PPP2CB: variants seen among roughly 807,000 people sequenced by gnomAD.
PPP2CB encodes the protein serine/threonine-protein phosphatase 2A catalytic subunit beta isoform.
A neutral mutation model predicts 39.1 loss-of-function variants in PPP2CB; 18 were observed. That is an observed-to-expected ratio of 0.46 (90% confidence interval 0.32 to 0.68). The LOEUF (loss-of-function observed/expected upper bound fraction) is 0.68, where lower values mean the gene tolerates loss of function less well. PPP2CB is among the 30% of genes least tolerant of loss of function. The pLI is 0.04. For synonymous variants in PPP2CB, 129 were observed against 133.8 expected (o/e 0.96, Z 0.25); for missense variants, 226 against 396.9 (o/e 0.57, Z 3.66).
rs1806587976 is a variant in PPP2CB, at chr8:30,799,675, T to A, written c.183A>T (p.Gln61His). The A allele has an allele frequency of 6.2e-7, 1 of 1,613,944 alleles. No homozygotes were observed. The highest frequency in any genetic ancestry group is 8.5e-7 in the Non-Finnish European group (1 of 1,179,922). The change falls in exon 2 of 7, where the codon CAA (glutamine) becomes CAT (histidine). Residue 61 changes from glutamine to histidine, a missense_variant. Physicochemically the swap from Gln to His is conservative, Grantham distance 24. This residue lies in a region of PPP2CB where 110 missense variants were observed against 244.1 expected (regional missense o/e 0.45). Coordinates refer to ENST00000221138, the MANE Select transcript of PPP2CB (RefSeq NM_001009552.2). ...PVTVCGDVHGQFHDLMELFRI... is the reference protein window; with the variant it reads ...PVTVCGDVHGHFHDLMELFRI... ...TAAAGAGTTCCATAAGATCATGAAA[T>A]TGACCATGCACATCTCCACAGACAG...
At chr8:30,792,342 AC>A (rs1806452457) in intron 5 of PPP2CB, among the ~76,000 whole-genome samples, 1 of 152,040 alleles carries the variant, frequency 6.6e-6, no homozygotes, top group Non-Finnish European at 1.5e-5. Flanking sequence ...GGCACGAGCC[AC>A]CACGCCAGCT....
At chr8:30,798,500 TTA>T (rs1240193414) in intron 2 of PPP2CB, among the ~76,000 whole-genome samples, 2 of 152,224 alleles carry the variant, frequency 1.3e-5, no homozygotes, top group African/African-American at 4.8e-5. Context: ...AGCATTTTTG[TTA>T]ACAGATTACA....
intron 5 of PPP2CB, among the ~76,000 whole-genome samples, chr8:30,792,502 G>A (rs1806454920): frequency 2.0e-5 from 3 of 151,706 alleles, no homozygotes; most frequent in Admixed American, 6.6e-5. Context: ...GGAGTGCAGC[G>A]GTACGATCAT....
Position 30,797,644 on chromosome 8 carries a change from G to A in PPP2CB, c.423C>T (p.Asn141=), listed in dbSNP as rs184203319. ...DECLRKYGNA[N]VWKYFTDLFD... Reference sequence around the variant, plus strand: ...AGAGATCTGTAAAATATTTCCAAACGTTGGCATTCCCATACTTTCGCAGAC... The same window carrying A: ...AGAGATCTGTAAAATATTTCCAAACATTGGCATTCCCATACTTTCGCAGAC... Residue 141 remains asparagine, a synonymous_variant, in exon 3 of 7, where the codon AAC becomes AAT. Coordinates refer to ENST00000221138, the MANE Select transcript of PPP2CB (RefSeq NM_001009552.2). 2.0e-5 allele frequency: 33 copies of A among 1,613,784 alleles called. No homozygotes were observed. The highest frequency in any genetic ancestry group is 2.7e-5 in the African/African-American group (2 of 75,014).
At chr8:30,796,210 C>A (rs1263070297) in intron 3 of PPP2CB, among the ~76,000 whole-genome samples, 1 of 152,104 alleles carries the variant, frequency 6.6e-6, no homozygotes. Flanking sequence ...TCAAATTAAT[C>A]ACGGCAGTGT....
chr8:30,811,695 C>A (rs1376313248), intron 1 of PPP2CB, among the ~76,000 whole-genome samples: 1 of 151,688 alleles, frequency 6.6e-6, no homozygotes, highest in African/African-American at 2.4e-5. Context: ...GGAGACGGGG[C>A]CTCACTATGT....
chr8:30,799,003 C>CA (rs1806572303), intron 2 of PPP2CB, among the ~76,000 whole-genome samples: 1 of 152,176 alleles, frequency 6.6e-6, no homozygotes, highest in South Asian at 2.1e-4. Flanking sequence ...CGCTGGCAGG[C>CA]AAAAATTCAG....
intron 6 of PPP2CB, among the ~76,000 whole-genome samples, chr8:30,790,461 C>G (rs1357034278): frequency 6.6e-6 from 1 of 152,214 alleles, no homozygotes; most frequent in Non-Finnish European, 1.5e-5. Context: ...ACAAAGCACT[C>G]AGATTTGGAA....
intron 2 of PPP2CB, among the ~76,000 whole-genome samples, chr8:30,798,525 G>A (rs994182585): frequency 1.3e-5 from 2 of 152,190 alleles, no homozygotes; most frequent in African/African-American, 4.8e-5. Context: ...TACGATGTTG[G>A]CTGGAGCAAG....
intron 1 of PPP2CB, among the ~76,000 whole-genome samples, chr8:30,803,714 A>G (rs1341969701): frequency 6.6e-6 from 1 of 152,228 alleles, no homozygotes; most frequent in Non-Finnish European, 1.5e-5. Context: ...AAACTTGCAC[A>G]GTAAAAATTA....
At chr8:30,803,681 A>C (rs1020937721) in intron 1 of PPP2CB, among the ~76,000 whole-genome samples, 20 of 152,202 alleles carry the variant, frequency 1.3e-4, no homozygotes, top group African/African-American at 4.8e-4. Flanking sequence ...AAAGATGGAC[A>C]ATCAGACTAT....
intron 3 of PPP2CB, among the ~76,000 whole-genome samples, chr8:30,795,352 T>A (rs933491624): frequency 6.6e-6 from 1 of 152,184 alleles, no homozygotes. Context: ...CAACCTCAGG[T>A]GATCCGCCCG....
At chr8:30,791,839 C>T (rs893107910) in intron 5 of PPP2CB, among the ~76,000 whole-genome samples, 20 of 150,636 alleles carry the variant, frequency 1.3e-4, no homozygotes, top group African/African-American at 4.4e-4. Context: ...TGTGTATATA[C>T]ATATGTATAT....
chr8:30,795,367 G>C (rs1806505613), intron 3 of PPP2CB, among the ~76,000 whole-genome samples: 1 of 152,068 alleles, frequency 6.6e-6, no homozygotes, highest in Non-Finnish European at 1.5e-5. Context: ...CGCCCGCCTT[G>C]GCCTCCCAAA....
At chr8:30,808,816 T>G (rs1190242042) in intron 1 of PPP2CB, among the ~76,000 whole-genome samples, 1 of 152,214 alleles carries the variant, frequency 6.6e-6, no homozygotes, top group Non-Finnish European at 1.5e-5. Flanking sequence ...CTATTCATTT[T>G]GCATTTCTTA....
chr8:30,792,341 C>T (rs916882104), intron 5 of PPP2CB, among the ~76,000 whole-genome samples: 4 of 152,034 alleles, frequency 2.6e-5, no homozygotes, highest in African/African-American at 7.2e-5. Flanking sequence ...AGGCACGAGC[C>T]ACCACGCCAG....
intron 1 of PPP2CB, among the ~76,000 whole-genome samples, chr8:30,800,182 A>G (rs531575669): frequency 6.6e-6 from 1 of 152,382 alleles, no homozygotes; most frequent in East Asian, 1.9e-4. Context: ...ATGAATGGAC[A>G]TAACATATTC....
chr8:30,797,801 G>A lies in PPP2CB; in HGVS notation c.313-47C>T. The stretch of plus-strand genomic sequence containing the variant: ...CCATAGTAAAATCACATTTTTACTA[G>A]TGTCATGTGAAGTACACCAGTCTCT... On this transcript the variant is annotated intron_variant, in intron 2 of 6. Transcript: ENST00000221138. The A allele has an allele frequency of 1.9e-6, 3 of 1,577,638 alleles. No individual in the cohort carries two copies. The South Asian group carries it at 3.4e-5, about 18-fold the overall frequency.
chr8:30,809,874 T>C (rs535696440), intron 1 of PPP2CB: 3 of 152,186 alleles, frequency 2.0e-5, no homozygotes, highest in East Asian at 3.9e-4. Context: ...GAAGTTGAGG[T>C]TGCAGTGAGC....
Sources: gnomAD v4.1 joint callset for allele counts (sites outside exome capture counted in the v4.1 genomes callset) on GRCh38, gnomAD v4.1.1 for gene constraint, gnomAD v4.1.1 regional missense constraint, MANE v1.5 for transcripts, NCBI Gene and HGNC (gene_info 2026-07-23, HGNC 2026-07-21) for gene names.